AGBL1: variants seen among roughly 807,000 people sequenced by gnomAD.
AGBL1 encodes cytosolic carboxypeptidase 4.
AGBL1 carries 130 observed loss-of-function variants against 118.9 expected under a neutral mutation model. The observed-to-expected ratio is 1.09, with a 90% CI of 0.95 to 1.26. The LOEUF is 1.26. Ranked by LOEUF, AGBL1 falls within the 50% of genes most tolerant of loss-of-function variation. The pLI, the probability that AGBL1 is intolerant of heterozygous loss-of-function variation, is 0.00. For missense variants in AGBL1, 1,584 were observed against 1,298.1 expected (o/e 1.22, Z -3.38); for synonymous variants, 555 against 478.9 (o/e 1.16, Z -2.08).
intron 22 of AGBL1, among the ~76,000 whole-genome samples, chr15:86,739,630 C>T (rs1456432098): frequency 6.6e-6 from 1 of 151,714 alleles, no homozygotes; most frequent in African/African-American, 2.4e-5. Context: ...ACTTACTGTA[C>T]CAGCTCCCAT....
intron 22 of AGBL1, among the ~76,000 whole-genome samples, chr15:86,698,713 A>G (rs928680998): frequency 6.6e-6 from 1 of 151,300 alleles, no homozygotes; most frequent in East Asian, 2.0e-4. Flanking sequence ...CTGCCTATCT[A>G]GTGCTGCAGT....
chr15:86,481,374 A>G (rs1352626263), intron 18 of AGBL1, among the ~76,000 whole-genome samples: 1 of 152,078 alleles, frequency 6.6e-6, no homozygotes, highest in African/African-American at 2.4e-5. Context: ...AATTTAAATC[A>G]GTTGCTTCCA....
At chr15:86,856,514 C>T (rs2079482975) in intron 22 of AGBL1, among the ~76,000 whole-genome samples, 1 of 152,168 alleles carries the variant, frequency 6.6e-6, no homozygotes, top group African/African-American at 2.4e-5. Flanking sequence ...CTTATGGTTC[C>T]TTCACACAGT....
chr15:86,118,685 A>C (rs976551660), intron 1 of AGBL1, among the ~76,000 whole-genome samples: 1 of 152,064 alleles, frequency 6.6e-6, no homozygotes, highest in Admixed American at 6.5e-5. Context: ...TGGGGCAGGA[A>C]ATAGGAGTTC....
At chr15:86,666,942 A>G (rs1338562614) in intron 21 of AGBL1, among the ~76,000 whole-genome samples, 1 of 152,166 alleles carries the variant, frequency 6.6e-6, no homozygotes, top group African/African-American at 2.4e-5. Context: ...ATGCCAGGCT[A>G]TCTTCTCAGG....
chr15:86,797,891 CT>C (rs1161845395), intron 22 of AGBL1, among the ~76,000 whole-genome samples: 1 of 152,060 alleles, frequency 6.6e-6, no homozygotes, highest in African/African-American at 2.4e-5. Flanking sequence ...TGGATATGAC[CT>C]TTTTGTCAAA....
At chr15:86,690,116 T>A (rs2086136842) in intron 22 of AGBL1, among the ~76,000 whole-genome samples, 1 of 152,176 alleles carries the variant, frequency 6.6e-6, no homozygotes, top group Non-Finnish European at 1.5e-5. Context: ...ATTGACTGCA[T>A]AATGGTAAGT....
chr15:86,601,478 C>G (rs73461665), intron 21 of AGBL1, among the ~76,000 whole-genome samples: 2,568 of 152,172 alleles, frequency 0.017, 72 homozygotes, highest in African/African-American at 0.059. Flanking sequence ...TAAAGCTAAG[C>G]TTTGATCAAG....
chr15:86,450,901 T>C (rs2082184687), intron 18 of AGBL1, among the ~76,000 whole-genome samples: 1 of 152,194 alleles, frequency 6.6e-6, no homozygotes, highest in Admixed American at 6.5e-5. Flanking sequence ...CAATAGATAT[T>C]CTTACTGCAC....
intron 18 of AGBL1, among the ~76,000 whole-genome samples, chr15:86,483,917 C>T (rs983667898): frequency 1.3e-5 from 2 of 152,088 alleles, no homozygotes; most frequent in African/African-American, 2.4e-5. Flanking sequence ...CTATTTTAGC[C>T]AGGGAGGGAG....
chr15:86,245,664 G>T (rs2078708803), intron 6 of AGBL1, among the ~76,000 whole-genome samples: 2 of 152,190 alleles, frequency 1.3e-5, no homozygotes, highest in African/African-American at 4.8e-5. Flanking sequence ...TTTATGGGCG[G>T]TCCCAAACAG....
chr15:86,113,212 T>TTTTTCTTTTCTTTTG (rs1897507567), intron 1 of AGBL1, among the ~76,000 whole-genome samples: 2 of 122,132 alleles, frequency 1.6e-5, no homozygotes, highest in African/African-American at 2.9e-5. Context: ...TTTCTTTTTC[T>TTTTTCTTTTCTTTTG]TTTTCTTTTC....
intron 17 of AGBL1, among the ~76,000 whole-genome samples, chr15:86,365,011 A>ACC (rs2080865279): frequency 7.1e-6 from 1 of 141,002 alleles, no homozygotes; most frequent in Non-Finnish European, 1.5e-5. Flanking sequence ...ATATATATAC[A>ACC]CACACATATA....
intron 21 of AGBL1, among the ~76,000 whole-genome samples, chr15:86,653,250 C>T (rs1401629245): frequency 2.6e-5 from 4 of 152,046 alleles, no homozygotes; most frequent in Admixed American, 2.0e-4. Flanking sequence ...TGCCAAGCTC[C>T]CTCCACACCA....
rs181941844 is a variant in AGBL1, at chr15:86,643,071, C to A, written c.2995-31202C>A. On this transcript the variant is annotated intron_variant, in intron 21 of 22. Transcript: ENST00000614907. ...CTTCTGGGGTGGCAAACTTTTTAGG[C>A]TGGCTCACTGCATGGAAGCAAAATG... 4.3e-4 allele frequency among the ~76,000 whole-genome samples: 65 copies of A among 152,206 alleles called. 1 individual carries two copies. Among genetic ancestry groups the A allele is most frequent in the Admixed American group, 3.9e-3 (60 of 15,282 alleles).
chr15:86,758,966 C>CAAAAAAAAAAAAAAAA (rs80297816), intron 22 of AGBL1, among the ~76,000 whole-genome samples: 3 of 80,848 alleles, frequency 3.7e-5, no homozygotes, highest in Admixed American at 1.4e-4. Flanking sequence ...GACACCCTGT[C>CAAAAAAAAAAAAAAAA]AAAAAAAAAA....
chr15:86,690,094 T>G (rs571103628), intron 22 of AGBL1, among the ~76,000 whole-genome samples: 147 of 152,244 alleles, frequency 9.7e-4, no homozygotes, highest in African/African-American at 3.3e-3. Flanking sequence ...GAAATGGAAA[T>G]GGGTTCAGTG....
chr15:86,855,570 A>G (rs1310127736), intron 22 of AGBL1, among the ~76,000 whole-genome samples: 1 of 152,238 alleles, frequency 6.6e-6, no homozygotes, highest in Non-Finnish European at 1.5e-5. Flanking sequence ...CAGCCACAAT[A>G]AGAAGCAGGA....
At chr15:86,674,880 T>C (rs2085810269) in intron 22 of AGBL1, among the ~76,000 whole-genome samples, 1 of 152,144 alleles carries the variant, frequency 6.6e-6, no homozygotes, top group Admixed American at 6.5e-5. Context: ...TTGTTCCTTC[T>C]TGGAAGATGA....
Sources: gnomAD v4.1 joint callset for allele counts (sites outside exome capture counted in the v4.1 genomes callset) on GRCh38, gnomAD v4.1.1 for gene constraint, MANE v1.5 for transcripts, NCBI Gene and HGNC (gene_info 2026-07-23, HGNC 2026-07-21) for gene names.